KIAA0825: variants seen among roughly 807,000 people sequenced by gnomAD.
The protein encoded by KIAA0825 is uncharacterized protein KIAA0825.
A neutral mutation model predicts 147.6 loss-of-function variants in KIAA0825; 119 were observed. That is an observed-to-expected ratio of 0.81 (90% CI 0.69 to 0.94). KIAA0825 has a LOEUF of 0.94. KIAA0825 is among the 40% of genes least tolerant of loss of function. The probability of loss-of-function intolerance (pLI) is 0.00; values close to 1 mark genes in which losing one functional copy is unlikely to be tolerated. For missense variants in KIAA0825, 1,381 were observed against 1,472.7 expected, an observed-to-expected ratio of 0.94 and a Z score of 1.02; for synonymous variants, 470 against 518.1, an observed-to-expected ratio of 0.91 and a Z score of 1.26.
At chr5:94,471,850 G>A (rs1036322253) in intron 8 of KIAA0825, 119 bp from the exon 9 acceptor site, 34 of 883,948 alleles carry the variant, frequency 3.8e-5, no homozygotes, top group Non-Finnish European at 5.3e-5. Context: ...ATATAATGAC[G>A]CAGCTTTGTA....
intron 2 of KIAA0825, chr5:94,568,629 C>T (rs1779222069): frequency 6.6e-6 from 1 of 152,452 alleles, no homozygotes; most frequent in African/African-American, 2.4e-5. Flanking sequence ...GGACTTCTGA[C>T]AGCCCTAGAC....
intron 14 of KIAA0825, among the ~76,000 whole-genome samples, chr5:94,436,161 T>TGCAATTGCTTTTGGC (rs1369688605): frequency 6.6e-6 from 1 of 152,228 alleles, no homozygotes; most frequent in Non-Finnish European, 1.5e-5. Context: ...TTGCTTTTGT[T>TGCAATTGCTTTTGGC]GCAATTGCTT....
At chr5:94,243,285 G>A (rs1353465484) in intron 20 of KIAA0825, among the ~76,000 whole-genome samples, 1 of 152,180 alleles carries the variant, frequency 6.6e-6, no homozygotes, top group Non-Finnish European at 1.5e-5. Context: ...AACTGTAATT[G>A]CCTTTGGTAA....
chr5:94,550,900 A>G (rs1775417073), intron 2 of KIAA0825, among the ~76,000 whole-genome samples: 1 of 151,970 alleles, frequency 6.6e-6, no homozygotes, highest in Admixed American at 6.6e-5. Context: ...ATCACAAGGA[A>G]CTACATAAAA....
intron 20 of KIAA0825, among the ~76,000 whole-genome samples, chr5:94,207,863 G>T (rs1027962408): frequency 2.0e-5 from 3 of 152,066 alleles, no homozygotes; most frequent in Non-Finnish European, 4.4e-5. Context: ...CCAAACCATG[G>T]CTTCCATGCT....
intron 20 of KIAA0825, among the ~76,000 whole-genome samples, chr5:94,310,360 C>T (rs1234363300): frequency 1.3e-5 from 2 of 151,636 alleles, no homozygotes; most frequent in African/African-American, 2.4e-5. Flanking sequence ...TTTTGAATAG[C>T]TTCAAGATAT....
intron 2 of KIAA0825, among the ~76,000 whole-genome samples, chr5:94,556,116 G>A (rs1408270741): frequency 1.3e-5 from 2 of 151,524 alleles, no homozygotes; most frequent in Admixed American, 6.6e-5. Flanking sequence ...GCAGTGGTGC[G>A]ATCTCAGCTC....
intron 20 of KIAA0825, among the ~76,000 whole-genome samples, chr5:94,236,289 C>G (rs2150095157): frequency 6.6e-6 from 1 of 152,218 alleles, no homozygotes; most frequent in South Asian, 2.1e-4. Flanking sequence ...GATTCCAACT[C>G]TTTGAGATGT....
chr5:94,477,211 C>T lies in KIAA0825; in HGVS notation c.1133-6G>A. On this transcript the variant is annotated splice_region_variant and splice_polypyrimidine_tract_variant and intron_variant, in intron 6 of 20. Coordinates refer to ENST00000682413, the MANE Select transcript of KIAA0825 (RefSeq NM_001145678.3). ...ATCGGATTTCTCCAAAATTCCTAAG[C>T]AATAGAAAAGAAAACAAACACACTA... 1 of 1,530,982 alleles carries T rather than the reference C, an allele frequency of 6.5e-7. No homozygotes were observed. Among genetic ancestry groups the T allele is most frequent in the Non-Finnish European group, 8.8e-7 (1 of 1,130,660 alleles). The allele number at this position is 1,530,982 out of a possible 1,614,324, so 94.8% of individuals were successfully genotyped here. A position where few individuals can be genotyped will look rare whatever the true frequency, so the allele number is the denominator to read the frequency against.
chr5:94,295,622 T>G (rs913947924), intron 20 of KIAA0825, among the ~76,000 whole-genome samples: 3 of 152,198 alleles, frequency 2.0e-5, no homozygotes, highest in Non-Finnish European at 4.4e-5. Context: ...ACATCCTTTT[T>G]GTTGATGTTG....
intron 20 of KIAA0825, among the ~76,000 whole-genome samples, chr5:94,158,435 A>G (rs2149910719): frequency 1.3e-5 from 2 of 152,228 alleles, no homozygotes; most frequent in Middle Eastern, 3.4e-3. Flanking sequence ...CTGACACTAC[A>G]CTATGTCTAG....
chr5:94,432,119 A>G (rs1050769689), intron 14 of KIAA0825, among the ~76,000 whole-genome samples: 9 of 152,214 alleles, frequency 5.9e-5, no homozygotes, highest in African/African-American at 1.7e-4. Context: ...TAAACCTACA[A>G]TATGTTACGA....
chr5:94,227,637 G>A (rs979271710), intron 20 of KIAA0825, among the ~76,000 whole-genome samples: 8 of 151,766 alleles, frequency 5.3e-5, no homozygotes, highest in Middle Eastern at 3.4e-3. Context: ...GGGATACTAC[G>A]CAGCCATAAA....
chr5:94,409,089 T>G (rs932333894), intron 15 of KIAA0825, among the ~76,000 whole-genome samples: 1 of 152,158 alleles, frequency 6.6e-6, no homozygotes, highest in Admixed American at 6.5e-5. Context: ...GTCCTTCACT[T>G]TTAGGGATGT....
chr5:94,391,763 T>C, intron 17 of KIAA0825, 69 bp from the exon 18 acceptor site: 1 of 1,235,866 alleles, frequency 8.1e-7, no homozygotes, highest in Non-Finnish European at 1.1e-6. Flanking sequence ...ATCATGGAGA[T>C]GGAGTGTGGA....
intron 1 of KIAA0825, among the ~76,000 whole-genome samples, chr5:94,597,470 T>C (rs140690700): frequency 1.6e-3 from 240 of 152,142 alleles, no homozygotes; most frequent in African/African-American, 5.5e-3. Flanking sequence ...TTTACTGAAT[T>C]AAAGAAAAAA....
intron 20 of KIAA0825, among the ~76,000 whole-genome samples, chr5:94,354,626 CT>C (rs1784050061): frequency 6.6e-6 from 1 of 151,944 alleles, no homozygotes; most frequent in African/African-American, 2.4e-5. Context: ...TCAGAATAGC[CT>C]ACGAAGGAAA....
At chr5:94,242,351 C>T (rs758950175) in intron 20 of KIAA0825, among the ~76,000 whole-genome samples, 21 of 152,088 alleles carry the variant, frequency 1.4e-4, no homozygotes, top group Non-Finnish European at 2.5e-4. Context: ...TTTCATTCCC[C>T]GCTGATTCAT....
rs1791224268 is a variant in KIAA0825 at position 94,618,595 on chromosome 5, G to A, written c.-248C>T. On this transcript the variant is annotated 5_prime_UTR_variant, in exon 1 of 21. Coordinates refer to ENST00000682413, the MANE Select transcript of KIAA0825 (RefSeq NM_001145678.3). ...TATTACCACCCTGGCGACGGCTCCG[G>A]AGCGTCACTGACAACCACCCGGAAA... The A allele has an allele frequency of 1.3e-5, 2 of 154,510 alleles. No homozygotes were observed. Among genetic ancestry groups the A allele is most frequent in the African/African-American group, 4.8e-5 (2 of 41,494 alleles). The allele number at this position is 154,510 out of a possible 1,614,324, so 9.6% of individuals were successfully genotyped here. A position where few individuals can be genotyped will look rare whatever the true frequency, so the allele number is the denominator to read the frequency against.
Sources: allele counts gnomAD v4.1 joint callset (sites outside exome capture counted in the v4.1 genomes callset), GRCh38; gene constraint gnomAD v4.1.1; transcripts MANE v1.5; gene names NCBI Gene and HGNC (gene_info 2026-07-23, HGNC 2026-07-21).